Variants in RFX3 observed in about 807,000 individuals in gnomAD.
RFX3 encodes the protein regulatory factor X3.
In RFX3, 14 loss-of-function variants were observed where a neutral mutation model predicts 98.6. That is an observed-to-expected ratio of 0.14 (90% CI 0.09 to 0.22). The LOEUF (loss-of-function observed/expected upper bound fraction) is 0.22, where lower values mean the gene tolerates loss of function less well. Ranked by LOEUF, RFX3 falls within the 10% of genes least tolerant of loss-of-function variation. The probability of loss-of-function intolerance (pLI) is 1.00; values close to 1 mark genes in which losing one functional copy is unlikely to be tolerated. For synonymous variants in RFX3, 383 were observed against 328.4 expected (o/e 1.17, Z -1.80); for missense variants, 639 against 926.9 (o/e 0.69, Z 4.03).
intron 1 of RFX3, among the ~76,000 whole-genome samples, chr9:3,467,303 CAAAT>C (rs2133162698): frequency 6.9e-6 from 1 of 145,626 alleles, no homozygotes; most frequent in East Asian, 2.0e-4. Context: ...TACACACACA[CAAAT>C]ATATATATGT....
intron 1 of RFX3, among the ~76,000 whole-genome samples, chr9:3,439,242 G>C (rs1266226835): frequency 6.6e-6 from 1 of 151,876 alleles, no homozygotes; most frequent in Non-Finnish European, 1.5e-5. Context: ...TAACTTAATA[G>C]CCTCTGCTTC....
intron 1 of RFX3, among the ~76,000 whole-genome samples, chr9:3,486,013 T>C (rs12001310): frequency 0.016 from 2,444 of 150,046 alleles, 73 homozygotes; most frequent in African/African-American, 0.058. Context: ...TAATCCCAGC[T>C]ACTCAGGAGG....
chr9:3,389,451 A>G (rs562915364), intron 2 of RFX3, among the ~76,000 whole-genome samples: 46 of 152,158 alleles, frequency 3.0e-4, no homozygotes, highest in African/African-American at 1.1e-3. Flanking sequence ...ATACTTAGAT[A>G]TTTTTATCAA....
At chr9:3,355,050 C>G (rs1434475471) in intron 2 of RFX3, among the ~76,000 whole-genome samples, 2 of 151,236 alleles carry the variant, frequency 1.3e-5, no homozygotes, top group Non-Finnish European at 3.0e-5. Flanking sequence ...TGAACACAGA[C>G]TGATAAATAC....
chr9:3,291,487 A>T (rs1377676980), intron 6 of RFX3, among the ~76,000 whole-genome samples: 1 of 152,114 alleles, frequency 6.6e-6, no homozygotes, highest in African/African-American at 2.4e-5. Flanking sequence ...TACCCCTAGA[A>T]CCATTAGATC....
intron 1 of RFX3, chr9:3,489,492 G>A (rs1167535272): frequency 2.4e-6 from 2 of 831,662 alleles, no homozygotes; most frequent in Non-Finnish European, 2.9e-6. Flanking sequence ...TAGAGTAGGG[G>A]AATTATGACA....
At chr9:3,363,026 G>A (rs1223969919) in intron 2 of RFX3, among the ~76,000 whole-genome samples, 1 of 152,186 alleles carries the variant, frequency 6.6e-6, no homozygotes, top group Non-Finnish European at 1.5e-5. Context: ...TACAAAGTGA[G>A]TAGCATTTTA....
intron 1 of RFX3, among the ~76,000 whole-genome samples, chr9:3,516,943 AC>A (rs1392424400): frequency 2.0e-5 from 3 of 152,226 alleles, no homozygotes; most frequent in African/African-American, 7.2e-5. Context: ...GCACTTGGCC[AC>A]CACTCTCTAC....
At chr9:3,469,259 C>G in intron 1 of RFX3, 1 of 442,408 alleles carries the variant, frequency 2.3e-6, no homozygotes, top group African/African-American at 2.0e-5. Context: ...ATACGTTATG[C>G]TTCTGTGTTC....
chr9:3,434,467 C>T lies in RFX3; in HGVS notation c.-8-38871G>A, dbSNP rs866116675. 2.6e-5 allele frequency among the ~76,000 whole-genome samples: 4 copies of T among 152,074 alleles called. 1 individual carries two copies. The highest frequency in any genetic ancestry group is 1.3e-4 in the Admixed American group (2 of 15,240). ...ATCAGAGCCTTGGTCTATGTATACA[C>T]TACAAAAGCTAGTTGTTGACAAATT... is the stretch of plus-strand genomic sequence containing the variant. On this transcript the variant is annotated intron_variant, in intron 1 of 16. Transcript: ENST00000617270.
At chr9:3,316,220 C>A (rs938631988) in intron 4 of RFX3, among the ~76,000 whole-genome samples, 3 of 152,126 alleles carry the variant, frequency 2.0e-5, no homozygotes, top group Non-Finnish European at 1.5e-5. Flanking sequence ...GCTGGTTCAA[C>A]ATATGCAAAT....
chr9:3,522,918 T>C (rs897119203), intron 1 of RFX3, among the ~76,000 whole-genome samples: 4 of 152,172 alleles, frequency 2.6e-5, no homozygotes, highest in African/African-American at 9.7e-5. Flanking sequence ...AGTAAGCTTA[T>C]AAACTATAAC....
intron 1 of RFX3, among the ~76,000 whole-genome samples, chr9:3,463,338 A>G (rs897218741): frequency 6.6e-6 from 1 of 152,106 alleles, no homozygotes; most frequent in African/African-American, 2.4e-5. Flanking sequence ...AAGATACAAC[A>G]CCTCATATCA....
At chr9:3,313,872 G>A (rs1830258440) in intron 4 of RFX3, among the ~76,000 whole-genome samples, 1 of 152,218 alleles carries the variant, frequency 6.6e-6, no homozygotes, top group Admixed American at 6.5e-5. Flanking sequence ...ATGGGACTAT[G>A]TGAAAAGAGC....
chr9:3,519,054 T>G (rs1210175214), intron 1 of RFX3, among the ~76,000 whole-genome samples: 1 of 152,180 alleles, frequency 6.6e-6, no homozygotes, highest in African/African-American at 2.4e-5. Context: ...CTCAGACTGT[T>G]TTCAAATAAT....
At chr9:3,313,508 G>C (rs7859468) in intron 4 of RFX3, among the ~76,000 whole-genome samples, 1 of 152,158 alleles carries the variant, frequency 6.6e-6, no homozygotes, top group African/African-American at 2.4e-5. Flanking sequence ...AACAAAGCTG[G>C]ATGGAGAATA....
chr9:3,375,796 T>TA (rs1587394605), intron 2 of RFX3, among the ~76,000 whole-genome samples: 1 of 151,946 alleles, frequency 6.6e-6, no homozygotes, highest in East Asian at 1.9e-4. Flanking sequence ...CCGCCTCTAC[T>TA]AAAAATATAA....
intron 15 of RFX3, chr9:3,247,168 C>T (rs867248533): frequency 2.3e-5 from 23 of 985,258 alleles, no homozygotes; most frequent in South Asian, 9.4e-5. Context: ...AAACTACCCC[C>T]GCCTCCTGCA....
intron 1 of RFX3, among the ~76,000 whole-genome samples, chr9:3,498,809 G>A (rs1407434210): frequency 3.3e-5 from 5 of 151,924 alleles, no homozygotes; most frequent in East Asian, 1.9e-4. Context: ...TATTACATCC[G>A]GCCTGGTCAC....
Sources: allele counts gnomAD v4.1 joint callset (sites outside exome capture counted in the v4.1 genomes callset), GRCh38; gene constraint gnomAD v4.1.1; transcripts MANE v1.5; gene names NCBI Gene and HGNC (gene_info 2026-07-23, HGNC 2026-07-21).